Variants in ATP1A4 observed in about 807,000 individuals in gnomAD.
ATP1A4 encodes sodium/potassium-transporting ATPase subunit alpha-4.
Under a neutral mutation model 114.3 loss-of-function variants are expected in ATP1A4, and 90 were observed. That is an observed-to-expected ratio of 0.79 (90% CI 0.66 to 0.94). The LOEUF (loss-of-function observed/expected upper bound fraction) is 0.94, where lower values mean the gene tolerates loss of function less well. ATP1A4 is among the 40% of genes least tolerant of loss of function. The pLI is 0.00. For synonymous variants in ATP1A4, 511 were observed against 494.1 expected (o/e 1.03, Z -0.45); for missense variants, 1,222 against 1,313.6 (o/e 0.93, Z 1.08).
chr1:160,173,466 G>T, intron 12 of ATP1A4, 115 bp from the exon 13 acceptor site: 1 of 1,425,196 alleles, frequency 7.0e-7, no homozygotes, highest in Non-Finnish European at 9.6e-7. Context: ...TTGGGAATGA[G>T]CGACTAAAAC....
At chr1:160,183,363 A>G (rs527311103) in intron 20 of ATP1A4, 1 of 152,346 alleles carries the variant, frequency 6.6e-6, no homozygotes, top group South Asian at 2.1e-4. Context: ...ATAATAACAA[A>G]TGTGGTTGGT....
intron 4 of ATP1A4, among the ~76,000 whole-genome samples, chr1:160,156,581 G>A (rs1571010805): frequency 1.3e-5 from 2 of 152,262 alleles, no homozygotes; most frequent in Middle Eastern, 6.8e-3. Context: ...GCTCACGCCT[G>A]TAATCCCAGC....
intron 4 of ATP1A4, among the ~76,000 whole-genome samples, chr1:160,157,496 G>C (rs1427877896): frequency 6.6e-6 from 1 of 152,196 alleles, no homozygotes; most frequent in African/African-American, 2.4e-5. Flanking sequence ...CTCCACCAAA[G>C]ATAATGCGTT....
At position 160,182,131 on chromosome 1, in the gene ATP1A4, C is replaced by T. The variant is rs1367299393; in HGVS notation, c.2969+100C>T. The T allele has an allele frequency of 3.1e-6, 3 of 954,086 alleles. No homozygotes were observed. In the East Asian group the frequency reaches 7.2e-5, roughly 23 times the overall value. The allele number at this position is 954,086 out of a possible 1,614,324, so 59.1% of individuals were successfully genotyped here. On this transcript the variant is annotated intron_variant, in intron 20 of 21. Coordinates refer to ENST00000368081, the MANE Select transcript of ATP1A4 (RefSeq NM_144699.4). ...AGGATTGTCATGAGCCAGGAGCTGC[C>T]TGGATACATGGAGCTACATGTACAC...
rs115244311 is a variant in ATP1A4, at chr1:160,172,799, A to G, written c.1855-782A>G. 5.0e-3 allele frequency among the ~76,000 whole-genome samples: 755 copies of G among 152,264 alleles called. 5 individuals carry two copies. The highest frequency in any genetic ancestry group is 0.017 in the African/African-American group (699 of 41,544). The stretch of plus-strand genomic sequence containing the variant: ...AGTTTGTCCAGGGTCAGTCTGGGCC[A>G]TGTGTGCTGGGAGGGACTTGGGAAC... On this transcript the variant is annotated intron_variant, in intron 12 of 21. Coordinates refer to ENST00000368081, the MANE Select transcript of ATP1A4 (RefSeq NM_144699.4).
rs375911157 is a variant in ATP1A4 at position 160,182,005 on chromosome 1, C to T, written c.2943C>T (p.Asp981=). ...TTCTGTCCTACACTCCAGGCATGGA[C>T]GTGGCCCTGCGAATGTACCCACTCA... ...AAFLSYTPGM[D]VALRMYPLKI... is the part of the protein sequence containing the mutation. The change falls in exon 20 of 22, where the codon GAC becomes GAT. Residue 981 remains aspartate, a synonymous_variant. Transcript: ENST00000368081. The T allele has an allele frequency of 1.5e-5, 25 of 1,613,944 alleles. No homozygotes were observed. The highest frequency in any genetic ancestry group is 1.9e-5 in the Non-Finnish European group (22 of 1,180,000).
At chr1:160,164,077 G>A in intron 6 of ATP1A4, 79 bp from the exon 7 acceptor site, 1 of 1,531,312 alleles carries the variant, frequency 6.5e-7, no homozygotes, top group East Asian at 2.3e-5. Context: ...CTCTATGTCA[G>A]GAAGTGGGGG....
At chr1:160,161,539 A>C (rs966476847) in intron 6 of ATP1A4, among the ~76,000 whole-genome samples, 2 of 152,332 alleles carry the variant, frequency 1.3e-5, no homozygotes, top group Non-Finnish European at 1.5e-5. Flanking sequence ...TCCAAGTGTG[A>C]GGAAACCATA....
At chr1:160,182,473 T>C (rs895319326) in intron 20 of ATP1A4, among the ~76,000 whole-genome samples, 1 of 152,224 alleles carries the variant, frequency 6.6e-6, no homozygotes, top group Non-Finnish European at 1.5e-5. Flanking sequence ...CCTTGTCTTG[T>C]TCAACTCCAG....
chr1:160,182,266 A>G (rs933727574), intron 20 of ATP1A4, among the ~76,000 whole-genome samples: 2 of 152,178 alleles, frequency 1.3e-5, no homozygotes, highest in Non-Finnish European at 2.9e-5. Flanking sequence ...AATTTAGCAG[A>G]CTTACCAGTG....
At chr1:160,167,778 T>C (rs541936542) in intron 10 of ATP1A4, among the ~76,000 whole-genome samples, 146 of 152,336 alleles carry the variant, frequency 9.6e-4, no homozygotes, top group Non-Finnish European at 1.4e-3. Context: ...ACTAGGAGAT[T>C]TGCCGCTGCA....
intron 1 of ATP1A4, among the ~76,000 whole-genome samples, chr1:160,152,698 C>T (rs1208394017): frequency 6.6e-6 from 1 of 152,084 alleles, no homozygotes; most frequent in African/African-American, 2.4e-5. Context: ...TTTCTCTGGC[C>T]CGAACCCCCG....
intron 14 of ATP1A4, 72 bp from the exon 15 acceptor site, chr1:160,174,507 G>A (rs189905188): frequency 7.0e-5 from 109 of 1,566,338 alleles, no homozygotes; most frequent in Middle Eastern, 6.8e-4. Flanking sequence ...TGCAGAAAGC[G>A]TACTGATCTT....
Position 160,176,608 on chromosome 1 carries a change from C to T in ATP1A4, c.2590+6C>T, listed in dbSNP as rs1370389929. On this transcript the variant is annotated splice_donor_region_variant and intron_variant, in intron 17 of 21. Transcript: ENST00000368081. ...CATGGCCTATGGACAGATTGGTGCG[C>T]CCAGAGGAATGAGGGGTGGAGGGAG... The T allele has an allele frequency of 5.0e-6, 8 of 1,613,222 alleles. No individual in the cohort carries two copies. The highest frequency in any genetic ancestry group is 6.8e-6 in the Non-Finnish European group (8 of 1,179,398).
intron 4 of ATP1A4, among the ~76,000 whole-genome samples, chr1:160,157,107 T>G (rs1425264657): frequency 6.6e-6 from 1 of 152,096 alleles, no homozygotes; most frequent in Non-Finnish European, 1.5e-5. Context: ...GACAGGGACG[T>G]GGCAACTAAA....
intron 11 of ATP1A4, 26 bp downstream of exon 11, chr1:160,171,466 A>G: frequency 6.2e-7 from 1 of 1,610,160 alleles, no homozygotes; most frequent in Non-Finnish European, 8.5e-7. Flanking sequence ...AGAAGTTTTT[A>G]AAAGAATGGC....
rs965909930 is a variant in ATP1A4, at chr1:160,151,958, C to T, written c.-83C>T. The T allele has an allele frequency of 2.1e-5, 31 of 1,506,468 alleles. No homozygotes were observed. The highest frequency in any genetic ancestry group is 1.8e-4 in the African/African-American group (13 of 71,716). The allele number at this position is 1,506,468 out of a possible 1,614,324, so 93.3% of individuals were successfully genotyped here. Reference sequence around the variant, plus strand: ...TCTCTTCTCGTGGCCCCCTTGCCCGCGCGCCCTCTTCCCTTCCCCTTGCCT... The same window carrying T: ...TCTCTTCTCGTGGCCCCCTTGCCCGTGCGCCCTCTTCCCTTCCCCTTGCCT... On this transcript the variant is annotated 5_prime_UTR_variant, in exon 1 of 22. Coordinates refer to ENST00000368081, the MANE Select transcript of ATP1A4 (RefSeq NM_144699.4).
intron 18 of ATP1A4, among the ~76,000 whole-genome samples, chr1:160,180,959 C>T (rs1362278619): frequency 6.6e-6 from 1 of 151,872 alleles, no homozygotes; most frequent in Non-Finnish European, 1.5e-5. Flanking sequence ...CGTGATCTGC[C>T]CACCTCGGCC....
At chr1:160,160,821 G>C (rs1652841772) in intron 6 of ATP1A4, among the ~76,000 whole-genome samples, 1 of 152,094 alleles carries the variant, frequency 6.6e-6, no homozygotes, top group South Asian at 2.1e-4. Context: ...AATAGACTAT[G>C]AGAAAGAATC....
Sources: gnomAD v4.1 joint callset for allele counts (sites outside exome capture counted in the v4.1 genomes callset) on GRCh38, gnomAD v4.1.1 for gene constraint, MANE v1.5 for transcripts, NCBI Gene and HGNC (gene_info 2026-07-23, HGNC 2026-07-21) for gene names.